RBM47: variants seen among roughly 807,000 people sequenced by gnomAD.
The protein encoded by RBM47 is RNA binding motif protein 47, also known as RNA-binding protein 47.
Under a neutral mutation model 47.1 loss-of-function variants are expected in RBM47, and 21 were observed. The ratio of observed to expected loss-of-function variants is 0.45; its 90% CI spans 0.32 to 0.64. The LOEUF (loss-of-function observed/expected upper bound fraction) is 0.64, where lower values mean the gene tolerates loss of function less well. RBM47 is among the 30% of genes least tolerant of loss of function. RBM47 has a pLI of 0.05. For missense variants in RBM47, 708 were observed against 870.9 expected, an observed-to-expected ratio of 0.81 and a Z score of 2.35; for synonymous variants, 375 against 361.7, an observed-to-expected ratio of 1.04 and a Z score of -0.42.
intron 3 of RBM47, among the ~76,000 whole-genome samples, chr4:40,461,201 T>C (rs1175812173): frequency 1.3e-5 from 2 of 152,210 alleles, no homozygotes. Context: ...TGGCATTTAA[T>C]TGCTATTCAT....
chr4:40,576,966 C>G (rs867148072), intron 1 of RBM47, among the ~76,000 whole-genome samples: 3 of 152,114 alleles, frequency 2.0e-5, no homozygotes, highest in African/African-American at 7.2e-5. Context: ...TAGATTCAGA[C>G]AGGCTGGCTC....
intron 1 of RBM47, among the ~76,000 whole-genome samples, chr4:40,561,335 G>A (rs1730605173): frequency 1.3e-5 from 2 of 148,906 alleles, no homozygotes; most frequent in Non-Finnish European, 3.0e-5. Context: ...GGGTTCAAGC[G>A]ATTCTCCGGC....
At chr4:40,536,954 C>G (rs1728050133) in intron 2 of RBM47, among the ~76,000 whole-genome samples, 1 of 151,910 alleles carries the variant, frequency 6.6e-6, no homozygotes, top group South Asian at 2.1e-4. Flanking sequence ...GTCTCAAACT[C>G]CTGATCTCAA....
At chr4:40,491,019 T>C (rs1369928178) in intron 2 of RBM47, among the ~76,000 whole-genome samples, 2 of 152,104 alleles carry the variant, frequency 1.3e-5, no homozygotes, top group African/African-American at 4.8e-5. Flanking sequence ...TTTCAAAATT[T>C]ACTACAAAGC....
In RBM47 at chr4:40,425,222, T is replaced by C. The variant is rs1367048237; in HGVS notation, c.*682A>G. The C allele has an allele frequency of 2.0e-5, 3 of 152,610 alleles. No homozygotes were observed. The highest frequency in any genetic ancestry group is 4.4e-5 in the Non-Finnish European group (3 of 68,064). The allele number at this position is 152,610 out of a possible 1,614,324, so 9.5% of individuals were successfully genotyped here. A position where few individuals can be genotyped will look rare whatever the true frequency, so the allele number is the denominator to read the frequency against. On this transcript the variant is annotated 3_prime_UTR_variant, in exon 7 of 7. Coordinates refer to ENST00000295971, the MANE Select transcript of RBM47 (RefSeq NM_001098634.2). ...ACGGTGGCAAAGGAGAGCTTTCCAG[T>C]GTTTGGACTCAGAAGTGCGGCAAGT...
At chr4:40,565,908 A>C (rs929766621) in intron 1 of RBM47, among the ~76,000 whole-genome samples, 3 of 151,936 alleles carry the variant, frequency 2.0e-5, no homozygotes, top group African/African-American at 7.3e-5. Context: ...GTCTCTACAA[A>C]AAATAAAAAA....
chr4:40,545,263 G>C (rs1003307868), intron 1 of RBM47, among the ~76,000 whole-genome samples: 1 of 150,482 alleles, frequency 6.6e-6, no homozygotes, highest in African/African-American at 2.4e-5. Flanking sequence ...ATGTTGGTCA[G>C]GCTGGTCTCG....
chr4:40,469,229 G>A lies in RBM47; in HGVS notation c.-154-2530C>T, dbSNP rs577494505. On this transcript the variant is annotated intron_variant, in intron 2 of 6. Coordinates refer to ENST00000295971, the MANE Select transcript of RBM47 (RefSeq NM_001098634.2). Reference sequence around the variant, plus strand: ...AACATGTAAACTCTAAGAATTGAAAGCAAATTATTAATATATAAATGAAAC... The same window carrying A: ...AACATGTAAACTCTAAGAATTGAAAACAAATTATTAATATATAAATGAAAC... 1.6e-3 allele frequency among the ~76,000 whole-genome samples: 241 copies of A among 151,966 alleles called. 1 individual carries two copies. Among genetic ancestry groups the A allele is most frequent in the African/African-American group, 5.5e-3 (226 of 41,274 alleles).
intron 2 of RBM47, among the ~76,000 whole-genome samples, chr4:40,477,246 G>A (rs371560992): frequency 2.0e-5 from 3 of 152,156 alleles, no homozygotes; most frequent in Non-Finnish European, 2.9e-5. Flanking sequence ...ATTCATCTAC[G>A]CATATATTTT....
chr4:40,584,626 GT>G (rs1277569677), intron 1 of RBM47, among the ~76,000 whole-genome samples: 2 of 152,008 alleles, frequency 1.3e-5, no homozygotes, highest in African/African-American at 4.8e-5. Context: ...TACTTGGTAT[GT>G]ATTGCATAAA....
chr4:40,434,088 A>G (rs376108652), intron 5 of RBM47, among the ~76,000 whole-genome samples: 109 of 149,466 alleles, frequency 7.3e-4, no homozygotes, highest in African/African-American at 2.6e-3. Flanking sequence ...GAATCTTTCT[A>G]TTTCTGGTTT....
chr4:40,616,869 C>CTTTT (rs1560507580), intron 1 of RBM47, among the ~76,000 whole-genome samples: 2 of 119,806 alleles, frequency 1.7e-5, no homozygotes, highest in African/African-American at 6.7e-5. Flanking sequence ...CTTATATTTT[C>CTTTT]TTTTCTTTTT....
chr4:40,466,260 T>TCC (rs1717999651), intron 3 of RBM47, among the ~76,000 whole-genome samples: 1 of 120,534 alleles, frequency 8.3e-6, no homozygotes, highest in Non-Finnish European at 1.7e-5. Flanking sequence ...AGAGTGAGAC[T>TCC]GTCTCAAAAA....
At chr4:40,578,363 A>C (rs1344462318) in intron 1 of RBM47, among the ~76,000 whole-genome samples, 1 of 152,222 alleles carries the variant, frequency 6.6e-6, no homozygotes, top group African/African-American at 2.4e-5. Flanking sequence ...TGCTCGGCTG[A>C]CTGGAACCCT....
chr4:40,598,583 C>CA (rs568436532), intron 1 of RBM47, among the ~76,000 whole-genome samples: 24 of 146,498 alleles, frequency 1.6e-4, no homozygotes, highest in African/African-American at 3.0e-4. Context: ...TGCTTTGTCT[C>CA]AAAAAAAAAG....
rs1051385378 is a variant in RBM47, at chr4:40,478,201, G to C, written c.-154-11502C>G. ...CGGATAATTTTGTATTTTTAGTAGA[G>C]ACGGGGTTTCACCATGTTGGTCAGG... is the stretch of plus-strand genomic sequence containing the variant. On this transcript the variant is annotated intron_variant, in intron 2 of 6. Transcript: ENST00000295971. 2.6e-5 allele frequency among the ~76,000 whole-genome samples: 4 copies of C among 152,110 alleles called. No individual in the cohort carries two copies. In the East Asian group the frequency reaches 7.7e-4, roughly 29 times the overall value.
chr4:40,478,471 C>A (rs535966794), intron 2 of RBM47, among the ~76,000 whole-genome samples: 1 of 152,000 alleles, frequency 6.6e-6, no homozygotes, highest in Non-Finnish European at 1.5e-5. Context: ...AAAGTACAGA[C>A]GCAAAACAGA....
intron 2 of RBM47, among the ~76,000 whole-genome samples, chr4:40,502,966 A>G (rs1049680666): frequency 2.3e-5 from 3 of 132,094 alleles, no homozygotes; most frequent in Admixed American, 9.0e-5. Context: ...ATAGTGTAAC[A>G]TTGTACAACC....
chr4:40,469,930 C>G (rs561997781), intron 2 of RBM47, among the ~76,000 whole-genome samples: 1 of 152,064 alleles, frequency 6.6e-6, no homozygotes, highest in Non-Finnish European at 1.5e-5. Context: ...CCACCATGTG[C>G]GGCCAGAATA....
Sources: gnomAD v4.1 joint callset for allele counts (sites outside exome capture counted in the v4.1 genomes callset) on GRCh38, gnomAD v4.1.1 for gene constraint, MANE v1.5 for transcripts, NCBI Gene and HGNC (gene_info 2026-07-23, HGNC 2026-07-21) for gene names.